Variants in TTLL3 observed in about 807,000 individuals in gnomAD.
TTLL3 encodes the protein tubulin monoglycylase TTLL3.
Under a neutral mutation model 75.2 loss-of-function variants are expected in TTLL3, and 63 were observed. The ratio of observed to expected loss-of-function variants is 0.84; its 90% confidence interval spans 0.68 to 1.03. The LOEUF (loss-of-function observed/expected upper bound fraction) is 1.03, where lower values mean the gene tolerates loss of function less well. Ranked by LOEUF, TTLL3 falls within the 50% of genes least tolerant of loss-of-function variation. The pLI is 0.00. For missense variants in TTLL3, 997 were observed against 1,069.9 expected, an observed-to-expected ratio of 0.93 and a Z score of 0.95; for synonymous variants, 393 against 418.5, an observed-to-expected ratio of 0.94 and a Z score of 0.74.
chr3:9,819,395 G>A (rs2080205298), intron 7 of TTLL3: 1 of 511,688 alleles, frequency 2.0e-6, no homozygotes, highest in Non-Finnish European at 2.6e-6. Context: ...CCATCCGTTT[G>A]TTAGTTGATC....
chr3:9,820,158 A>G, intron 7 of TTLL3: 1 of 1,013,274 alleles, frequency 9.9e-7, no homozygotes, highest in Non-Finnish European at 1.2e-6. Flanking sequence ...GGACTTAAGA[A>G]GCTGTGTCAG....
Position 9,820,606 on chromosome 3 carries a change from A to G in TTLL3, c.719A>G (p.Asp240Gly). The stretch of plus-strand genomic sequence containing the variant: ...GTGTTGGTGTCCCCAGAGTTTGTGG[A>G]TGAAGCTCTGTGTGCGTGCGAGGAG... Reference protein sequence around the residue: ...NPVLVSPEFVDEALCACEEYL... With the variant: ...NPVLVSPEFVGEALCACEEYL... Residue 240 changes from aspartate (D) to glycine (G), a missense_variant, in exon 8 of 14, where the codon GAT (aspartate) becomes GGT (glycine). Physicochemically the swap from Asp to Gly is moderately conservative, Grantham distance 94. Transcript: ENST00000685419. The G allele has an allele frequency of 1.2e-6, 2 of 1,614,084 alleles. No individual in the cohort carries two copies. The highest frequency in any genetic ancestry group is 2.2e-5 in the East Asian group (1 of 44,876).
At chr3:9,812,801 T>C (rs2079475400) in intron 2 of TTLL3, 142 bp from the exon 3 acceptor site, 1 of 970,342 alleles carries the variant, frequency 1.0e-6, no homozygotes, top group African/African-American at 1.7e-5. Flanking sequence ...TCTCTACTTA[T>C]TTATAGTCTG....
intron 10 of TTLL3, chr3:9,827,818 A>AT (rs34737858): frequency 0.65 from 98,556 of 152,508 alleles, 32,832 homozygotes; most frequent in Non-Finnish European, 0.71. Flanking sequence ...CAGGCAAGCA[A>AT]GAACACAAGT....
intron 6 of TTLL3, 172 bp downstream of exon 6, chr3:9,817,931 A>G: frequency 1.2e-6 from 1 of 831,664 alleles, no homozygotes; most frequent in Non-Finnish European, 1.8e-6. Flanking sequence ...CTCCCTTAAT[A>G]AGCCTCTTAG....
At chr3:9,816,523 C>CTTTTTTTTTTGTTTTTT (rs2079879538) in intron 5 of TTLL3, among the ~76,000 whole-genome samples, 1 of 103,992 alleles carries the variant, frequency 9.6e-6, no homozygotes, top group Non-Finnish European at 1.8e-5. Flanking sequence ...ACCTGGGTTT[C>CTTTTTTTTTTGTTTTTT]TTTTTTTTTT....
chr3:9,820,529 C>T lies in TTLL3; in HGVS notation c.659-17C>T. On this transcript the variant is annotated splice_polypyrimidine_tract_variant and intron_variant, in intron 7 of 13. Transcript: ENST00000685419. ...TGCCTTGATATGGGATCGTGACAGG[C>T]CCCTCCCTATGTGCAGGAGACAAGC... 1 of 1,613,270 alleles carries T rather than the reference C, an allele frequency of 6.2e-7. No individual in the cohort carries two copies. The highest frequency in any genetic ancestry group is 8.5e-7 in the Non-Finnish European group (1 of 1,179,488).
At position 9,818,838 on chromosome 3, in the gene TTLL3, T is replaced by C. The variant is rs1403721491; in HGVS notation, c.576T>C (p.Thr192=). Residue 192 remains threonine, a synonymous_variant, in exon 7 of 14, where the codon ACT becomes ACC. Transcript: ENST00000685419. ...KKAFIEDFWL[T]AARNVLKLVV... is the part of the protein sequence containing the mutation. ...TGGGAGCAGAGGACTTCTGGCTGACTGCTGCCCGCAACGTTCTCAAGCTGG... is the reference window on the plus strand; with the variant it reads ...TGGGAGCAGAGGACTTCTGGCTGACCGCTGCCCGCAACGTTCTCAAGCTGG... 5.0e-6 allele frequency: 8 copies of C among 1,614,122 alleles called. No homozygotes were observed. In the South Asian group the frequency reaches 6.6e-5, roughly 13 times the overall value.
rs144562449 is a variant in TTLL3, at chr3:9,830,779, T to C, written c.1683+1384T>C. ...TCTAGCTTGGGGAGGAGACTATGTA[T>C]ATCTGCATTTTTCAAATGCCCCCCA... On this transcript the variant is annotated intron_variant, in intron 11 of 13. Coordinates refer to ENST00000685419, the MANE Select transcript of TTLL3 (RefSeq NM_001387446.1). Among the ~76,000 whole-genome samples the C allele has an allele frequency of 4.2e-3, 642 of 152,212 alleles. 5 individuals are homozygous for C. The highest frequency in any genetic ancestry group is 0.015 in the African/African-American group (611 of 41,530).
At chr3:9,821,283 G>A (rs2080387423) in intron 8 of TTLL3, among the ~76,000 whole-genome samples, 1 of 152,226 alleles carries the variant, frequency 6.6e-6, no homozygotes, top group African/African-American at 2.4e-5. Flanking sequence ...AGGTGAGCCT[G>A]GTGCTGCTTT....
Position 9,818,829 on chromosome 3 carries a change from C to T in TTLL3, c.567C>T (p.Phe189=). The change falls in exon 7 of 14, where the codon TTC becomes TTT. Residue 189 remains phenylalanine (F), a synonymous_variant. Coordinates refer to ENST00000685419, the MANE Select transcript of TTLL3 (RefSeq NM_001387446.1). ...CCCCTGGCCTGGGAGCAGAGGACTT[C>T]TGGCTGACTGCTGCCCGCAACGTTC... ...EDDKKAFIED[F]WLTAARNVLK... 1 of 1,614,150 alleles carries T rather than the reference C, an allele frequency of 6.2e-7. No individual in the cohort carries two copies. Among genetic ancestry groups the T allele is most frequent in the South Asian group, 1.1e-5 (1 of 91,082 alleles).
In TTLL3 at chr3:9,814,818, T is replaced by C. The variant is rs1239907157; in HGVS notation, c.316-1256T>C. 2.0e-5 allele frequency among the ~76,000 whole-genome samples: 3 copies of C among 151,816 alleles called. No individual in the cohort carries two copies. In the South Asian group the frequency reaches 6.2e-4, roughly 31 times the overall value. On this transcript the variant is annotated intron_variant, in intron 4 of 13. Transcript: ENST00000685419. ...CCTGGGTGACAGAACAAGCGATAAC[T>C]CCATCTGAAAATAAAGAAAAAAGGT...
At position 9,813,094 on chromosome 3, in the gene TTLL3, G is replaced by A. The variant is rs995542329; in HGVS notation, c.200G>A (p.Ser67Asn). The A allele has an allele frequency of 5.7e-6, 9 of 1,580,886 alleles. No homozygotes were observed. The African/African-American group carries it at 1.1e-4, about 19-fold the overall frequency. Residue 67 changes from serine (S) to asparagine (N), a missense_variant, in exon 3 of 14, where the codon AGT (serine) becomes AAT (asparagine). Coordinates refer to ENST00000685419, the MANE Select transcript of TTLL3 (RefSeq NM_001387446.1). ...KDLDSSAMGD[S>N]DTTEDEDEDE... ...CTGGATAGCTCAGCGATGGGTGACA[G>A]TGACACCACTGAGGATGGTGAGTGG...
At chr3:9,815,359 C>T (rs2125691000) in intron 4 of TTLL3, among the ~76,000 whole-genome samples, 1 of 152,334 alleles carries the variant, frequency 6.6e-6, no homozygotes, top group Non-Finnish European at 1.5e-5. Flanking sequence ...TCAGTTTCCT[C>T]ATCTGTAAAA....
At chr3:9,815,564 G>A (rs924146276) in intron 4 of TTLL3, among the ~76,000 whole-genome samples, 4 of 152,206 alleles carry the variant, frequency 2.6e-5, no homozygotes, top group African/African-American at 9.6e-5. Context: ...TCAGCTTGGA[G>A]TCACTGTCCT....
Position 9,820,358 on chromosome 3 carries a change from A to T in TTLL3, c.659-188A>T. 2.8e-6 allele frequency: 4 copies of T among 1,449,120 alleles called. No individual in the cohort carries two copies. The South Asian group carries it at 5.9e-5, about 22-fold the overall frequency. 89.8% of individuals were successfully genotyped at this position (1,449,120 alleles called of 1,614,324 possible). ...CCTGGGACAGTGGGAGCCAAGGGCA[A>T]GTGCTAGAGTTGCAGTGAATTTAGA... On this transcript the variant is annotated intron_variant, in intron 7 of 13. Transcript: ENST00000685419.
intron 8 of TTLL3, 55 bp downstream of exon 8, chr3:9,820,796 C>T: frequency 6.3e-7 from 1 of 1,597,632 alleles, no homozygotes; most frequent in Non-Finnish European, 8.5e-7. Flanking sequence ...AGGGATAGAC[C>T]CTTTCTGTCT....
At position 9,829,405 on chromosome 3, in the gene TTLL3, T is replaced by C. The variant is rs1282674245; in HGVS notation, c.1683+10T>C. ...GCTCATCTATAAGCAGGTGAGGAGGTTGGGCCCAGGCAGGACCCCAGAGAG... is the reference window on the plus strand; with the variant it reads ...GCTCATCTATAAGCAGGTGAGGAGGCTGGGCCCAGGCAGGACCCCAGAGAG... On this transcript the variant is annotated intron_variant, in intron 11 of 13. Transcript: ENST00000685419. The C allele has an allele frequency of 1.9e-6, 3 of 1,575,252 alleles. No individual in the cohort carries two copies. The highest frequency in any genetic ancestry group is 3.4e-5 in the Admixed American group (2 of 58,028).
At chr3:9,815,881 C>G (rs767980120) in intron 4 of TTLL3, among the ~76,000 whole-genome samples, 193 bp from the exon 5 acceptor site, 1 of 152,234 alleles carries the variant, frequency 6.6e-6, no homozygotes, top group Non-Finnish European at 1.5e-5. Context: ...CTGGCTTGCT[C>G]TCTGCCCACC....
Sources: allele counts gnomAD v4.1 joint callset (sites outside exome capture counted in the v4.1 genomes callset), GRCh38; gene constraint gnomAD v4.1.1; transcripts MANE v1.5; gene names NCBI Gene and HGNC (gene_info 2026-07-23, HGNC 2026-07-21).